Variants in BRWD1 observed in about 807,000 individuals in gnomAD.
BRWD1 encodes bromodomain and WD repeat domain containing 1.
A neutral mutation model predicts 251.2 loss-of-function variants in BRWD1; 82 were observed. The observed-to-expected ratio is 0.33, with a 90% confidence interval of 0.27 to 0.39. The LOEUF (loss-of-function observed/expected upper bound fraction) is 0.39, where lower values mean the gene tolerates loss of function less well. BRWD1 is among the 10% of genes least tolerant of loss of function. The probability of loss-of-function intolerance (pLI) is 1.00; values close to 1 mark genes in which losing one functional copy is unlikely to be tolerated. For missense variants in BRWD1, 2,233 were observed against 2,711.6 expected (o/e 0.82, Z 3.92); for synonymous variants, 918 against 902.8 (o/e 1.02, Z -0.30).
At chr21:39,268,856 C>T (rs1416680008) in intron 15 of BRWD1, among the ~76,000 whole-genome samples, 1 of 151,978 alleles carries the variant, frequency 6.6e-6, no homozygotes, top group Non-Finnish European at 1.5e-5. Context: ...GGTTTGGTGG[C>T]GGGTGCCTGT....
chr21:39,271,290 C>T (rs2035092891), intron 13 of BRWD1, among the ~76,000 whole-genome samples: 1 of 151,364 alleles, frequency 6.6e-6, no homozygotes, highest in African/African-American at 2.4e-5. Context: ...AGACTACGTT[C>T]TCAAAAAATA....
upstream of BRWD1, among the ~76,000 whole-genome samples, chr21:39,315,416 C>T (rs2036681205): frequency 2.0e-5 from 3 of 151,986 alleles, no homozygotes; most frequent in South Asian, 6.2e-4. Context: ...AGGCGGATCA[C>T]GAGGTCAGGA....
In BRWD1 at chr21:39,290,201, C is replaced by A. The variant is rs569591993; in HGVS notation, c.831+3610G>T. Among the ~76,000 whole-genome samples, 5 of 151,514 alleles carry A rather than the reference C, an allele frequency of 3.3e-5. No homozygotes were observed. In the South Asian group the frequency reaches 1.0e-3, roughly 32 times the overall value. ...TGTGTTCAGATGCTGTTAAAATCAC[C>A]CACTGAGGTTGGGCGAGGTGGCTCA... On this transcript the variant is annotated intron_variant, in intron 8 of 40. Transcript: ENST00000342449.
intron 13 of BRWD1, among the ~76,000 whole-genome samples, chr21:39,271,124 C>T (rs1385328814): frequency 1.3e-5 from 2 of 151,630 alleles, no homozygotes; most frequent in Non-Finnish European, 2.9e-5. Context: ...GAAACCCCGT[C>T]TCTACTAAAA....
intron 13 of BRWD1, among the ~76,000 whole-genome samples, chr21:39,273,722 C>G (rs536984251): frequency 6.6e-6 from 1 of 152,208 alleles, no homozygotes; most frequent in South Asian, 2.1e-4. Flanking sequence ...CACTGGCGCT[C>G]CAGCCTGGGC....
At chr21:39,313,198 C>G in intron 2 of BRWD1, 43 bp downstream of exon 2, 3 of 1,519,130 alleles carry the variant, frequency 2.0e-6, no homozygotes, top group African/African-American at 1.4e-5. Context: ...GGCGGGGACA[C>G]TGGGGACGCC....
chr21:39,252,503 T>C (rs1445227552), intron 19 of BRWD1, among the ~76,000 whole-genome samples: 2 of 152,198 alleles, frequency 1.3e-5, no homozygotes. Context: ...AATGATATCC[T>C]AACATACAGT....
At chr21:39,254,274 A>T (rs1167320203) in intron 19 of BRWD1, among the ~76,000 whole-genome samples, 1 of 152,250 alleles carries the variant, frequency 6.6e-6, no homozygotes, top group Non-Finnish European at 1.5e-5. Flanking sequence ...AAAAAATAAA[A>T]GAAATAACAT....
chr21:39,283,000 T>C (rs541155346), intron 8 of BRWD1, among the ~76,000 whole-genome samples: 67 of 151,142 alleles, frequency 4.4e-4, no homozygotes, highest in Non-Finnish European at 7.8e-4. Context: ...TAACTGTCCA[T>C]GAAAGAATAT....
intron 22 of BRWD1, among the ~76,000 whole-genome samples, chr21:39,237,114 T>C (rs1400990777): frequency 1.3e-5 from 2 of 152,046 alleles, no homozygotes; most frequent in Admixed American, 6.5e-5. Context: ...CACAGACTTA[T>C]AGAAACATAA....
At chr21:39,313,986 C>T (rs2036627253), upstream of BRWD1, 2 of 419,350 alleles carry the variant, frequency 4.8e-6, no homozygotes, top group Middle Eastern at 3.9e-4. Context: ...CGATTCACCG[C>T]CGCCCCCCGT....
intron 8 of BRWD1, among the ~76,000 whole-genome samples, chr21:39,284,551 TA>T (rs1250571736): frequency 6.6e-6 from 1 of 152,222 alleles, no homozygotes; most frequent in African/African-American, 2.4e-5. Context: ...CAAAAGTGCA[TA>T]AGAGTTCCCC....
chr21:39,203,202 G>T (rs1303790428), intron 37 of BRWD1, among the ~76,000 whole-genome samples: 1 of 152,146 alleles, frequency 6.6e-6, no homozygotes, highest in Non-Finnish European at 1.5e-5. Flanking sequence ...TGTAATCCCA[G>T]CACTTTAGGA....
intron 18 of BRWD1, 60 bp downstream of exon 18, chr21:39,258,426 CG>C: frequency 7.4e-7 from 1 of 1,350,862 alleles, no homozygotes; most frequent in Non-Finnish European, 9.9e-7. Context: ...ACAAAGACTT[CG>C]TTTACTCTTT....
At position 39,232,232 on chromosome 21, in the gene BRWD1, T is replaced by C; in HGVS notation, c.2945A>G (p.Asn982Ser). Reference protein sequence around the residue: ...HEAYIEAVRRNNIYELNPNKE... With the variant: ...HEAYIEAVRRSNIYELNPNKE... ...ATTAGGGTTCAGTTCATAAATATTATTTCTTCTTACAGCCTCAATATAAGC... is the reference window on the plus strand; with the variant it reads ...ATTAGGGTTCAGTTCATAAATATTACTTCTTCTTACAGCCTCAATATAAGC... The change falls in exon 25 of 41, where the codon AAT becomes AGT. Residue 982 changes from asparagine to serine, a missense_variant. Coordinates refer to ENST00000342449, the MANE Select transcript of BRWD1 (RefSeq NM_033656.4). 2.5e-6 allele frequency: 4 copies of C among 1,613,668 alleles called. 1 individual carries two copies. The South Asian group carries it at 4.4e-5, about 18-fold the overall frequency.
In BRWD1 at chr21:39,262,257, A is replaced by G. The variant is rs1237342010; in HGVS notation, c.1885+2203T>C. 2.6e-5 allele frequency among the ~76,000 whole-genome samples: 4 copies of G among 152,246 alleles called. No individual in the cohort carries two copies. The East Asian group carries it at 7.7e-4, about 29-fold the overall frequency. On this transcript the variant is annotated intron_variant, in intron 17 of 40. Coordinates refer to ENST00000342449, the MANE Select transcript of BRWD1 (RefSeq NM_033656.4). Reference sequence around the variant, plus strand: ...TGGATGATAGCCCCAAACTGGAAACAAGCCTTTAACCATTAGTGAATGCAA... The same window carrying G: ...TGGATGATAGCCCCAAACTGGAAACGAGCCTTTAACCATTAGTGAATGCAA...
At chr21:39,224,945 G>A in intron 28 of BRWD1, 141 bp downstream of exon 28, 1 of 641,068 alleles carries the variant, frequency 1.6e-6, no homozygotes, top group South Asian at 1.8e-5. Context: ...GTGCATGTCT[G>A]AGAGACATTT....
In BRWD1 at chr21:39,199,407, G is replaced by C. The variant is rs1265735419; in HGVS notation, c.5009C>G (p.Ala1670Gly). The C allele has an allele frequency of 6.2e-7, 1 of 1,614,138 alleles. No individual in the cohort carries two copies. Among genetic ancestry groups the C allele is most frequent in the Non-Finnish European group, 8.5e-7 (1 of 1,180,028 alleles). Residue 1670 changes from alanine (A) to glycine (G), a missense_variant, in exon 40 of 41, where the codon GCT becomes GGT. Around this residue, in one of 12 missense-constraint regions of BRWD1, gnomAD observed 928 missense variants for 970.0 expected, o/e 0.96. Coordinates refer to ENST00000342449, the MANE Select transcript of BRWD1 (RefSeq NM_033656.4). ...KLPHRNASAV[A>G]RKKLLHNSED... ...AGAATTATGTAATAACTTTTTTCTA[G>C]CTACAGCAGAAGCATTGCGGTGAGG...
intron 27 of BRWD1, 95 bp from the exon 28 acceptor site, chr21:39,225,292 GCCAA>G: frequency 6.7e-6 from 6 of 900,870 alleles, no homozygotes; most frequent in East Asian, 2.5e-5. Context: ...AGATAAAAAA[GCCAA>G]AAGCACAATA....
Sources: allele counts gnomAD v4.1 joint callset (sites outside exome capture counted in the v4.1 genomes callset), GRCh38; gene constraint gnomAD v4.1.1; regional missense constraint gnomAD v4.1.1; transcripts MANE v1.5; gene names NCBI Gene and HGNC (gene_info 2026-07-23, HGNC 2026-07-21).